The following SMNDC1 variants were observed in gnomAD, a reference collection of about 807,000 sequenced individuals.
SMNDC1 encodes survival motor neuron domain containing 1.
A neutral mutation model predicts 29.2 loss-of-function variants in SMNDC1; 5 were observed. The observed-to-expected ratio is 0.17, with a 90% CI of 0.09 to 0.36. The LOEUF (loss-of-function observed/expected upper bound fraction) is 0.36. SMNDC1 is among the 10% of genes least tolerant of loss of function. The pLI is 1.00. For synonymous variants in SMNDC1, 80 were observed against 89.9 expected (o/e 0.89, Z 0.62); for missense variants, 142 against 268.5 (o/e 0.53, Z 3.29).
At position 110,291,423 on chromosome 10, in the gene SMNDC1, A is replaced by C. The variant is rs961961942; in HGVS notation, c.*2727T>G. The C allele has an allele frequency of 3.3e-5, 5 of 152,232 alleles. No individual in the cohort carries two copies. Among genetic ancestry groups the C allele is most frequent in the African/African-American group, 1.2e-4 (5 of 41,476 alleles). The allele number at this position is 152,232 out of a possible 1,614,324, so 9.4% of individuals were successfully genotyped here. A position where few individuals can be genotyped will look rare whatever the true frequency, so the allele number is the denominator to read the frequency against. On this transcript the variant is annotated 3_prime_UTR_variant, in exon 6 of 6. Coordinates refer to ENST00000369603, the MANE Select transcript of SMNDC1 (RefSeq NM_005871.4). ...TAATTTGATAACACTTCAATAATAC[A>C]GTTATAATTGGATGCCTCAAATCAT...
chr10:110,304,536 G>A (rs921893304), intron 1 of SMNDC1: 1 of 152,094 alleles, frequency 6.6e-6, no homozygotes, highest in Non-Finnish European at 1.5e-5. Context: ...CCGGTCCCCT[G>A]CGGGCCGTGT....
At position 110,298,629 on chromosome 10, in the gene SMNDC1, T is replaced by G. The variant is rs553371858; in HGVS notation, c.263+19A>C. 2.5e-5 allele frequency: 39 copies of G among 1,572,180 alleles called. No individual in the cohort carries two copies. In the East Asian group the frequency reaches 4.5e-4, roughly 18 times the overall value. ...TTATTATTTCATGTTATAGTTAGAG[T>G]TTTTTTTTCTACACTTACTGTCCAT... On this transcript the variant is annotated intron_variant, in intron 3 of 5. Transcript: ENST00000369603.
rs1383942897 is a variant in SMNDC1, at chr10:110,297,681, G to C, written c.311C>G (p.Ala104Gly). 15 of 1,613,876 alleles carry C rather than the reference G, an allele frequency of 9.3e-6. No individual in the cohort carries two copies. Among genetic ancestry groups the C allele is most frequent in the Non-Finnish European group, 1.3e-5 (15 of 1,179,926 alleles). Residue 104 changes from alanine to glycine, a missense_variant, in exon 4 of 6, where the codon GCT becomes GGT. Transcript: ENST00000369603. ...GCCATAACCAGCAAAGGTGATTGCA[G>C]CGGTGCCATTTTCTTCATCTATCTC... ...IEEIDEENGT[A>G]AITFAGYGNA...
intron 4 of SMNDC1, 128 bp downstream of exon 4, chr10:110,297,439 T>C (rs1857580867): frequency 1.2e-6 from 1 of 811,732 alleles, no homozygotes; most frequent in Non-Finnish European, 1.9e-6. Context: ...TGACCCTTTG[T>C]TGCTAATCTT....
rs1857517006 is a variant in SMNDC1 at position 110,293,071 on chromosome 10, A to C, written c.*1079T>G. On this transcript the variant is annotated 3_prime_UTR_variant, in exon 6 of 6. Coordinates refer to ENST00000369603, the MANE Select transcript of SMNDC1 (RefSeq NM_005871.4). ...TTTTAAAAACACTTTATTTAATAAA[A>C]GTTAAACATACAAAACTGAAATAAT... 6.6e-6 allele frequency: 1 copy of C among 152,276 alleles called. No individual in the cohort carries two copies. Among genetic ancestry groups the C allele is most frequent in the South Asian group, 2.1e-4 (1 of 4,828 alleles). 9.4% of individuals were successfully genotyped at this position (152,276 alleles called of 1,614,324 possible). A position where few individuals can be genotyped will look rare whatever the true frequency, so the allele number is the denominator to read the frequency against.
intron 2 of SMNDC1, chr10:110,300,703 C>T: frequency 1.0e-6 from 1 of 985,368 alleles, no homozygotes; most frequent in Non-Finnish European, 1.2e-6. Context: ...ACTCTGCTTA[C>T]TGAAGGAAGG....
chr10:110,298,837 T>C (rs1428756827), intron 2 of SMNDC1, 47 bp from the exon 3 acceptor site: 4 of 1,471,020 alleles, frequency 2.7e-6, no homozygotes, highest in Admixed American at 1.9e-5. Context: ...ATAATTCTCA[T>C]TGTCAACTTA....
Position 110,298,774 on chromosome 10 carries a change from G to C in SMNDC1, c.137C>G (p.Thr46Ser), listed in dbSNP as rs1464998192. ...KKDLQEVIELTKDLLSTQPSE... is the reference protein window; with the variant it reads ...KKDLQEVIELSKDLLSTQPSE... ...AGGTTGAGTTGACAGAAGGTCTTTG[G>C]TTAGTTCTATAACTTCCTAAAAAAG... The change falls in exon 3 of 6, where the codon ACC (threonine) becomes AGC (serine). Residue 46 changes from threonine (T) to serine (S), a missense_variant. Transcript: ENST00000369603. 8 of 1,612,152 alleles carry C rather than the reference G, an allele frequency of 5.0e-6. No individual in the cohort carries two copies. In the Admixed American group the frequency reaches 5.0e-5, roughly 10 times the overall value.
intron 5 of SMNDC1, 145 bp from the exon 6 acceptor site, chr10:110,294,432 G>GACCACTTCTGTACCCATTTT: frequency 1.6e-6 from 1 of 636,746 alleles, no homozygotes; most frequent in Non-Finnish European, 2.5e-6. Context: ...TAAAAAATGG[G>GACCACTTCTGTACCCATTTT]TACAGAAGTG....
chr10:110,293,187 GAT>G lies in SMNDC1; in HGVS notation c.*961_*962del. 6.5e-6 allele frequency: 1 copy of G among 152,722 alleles called. No individual in the cohort carries two copies. Among genetic ancestry groups the G allele is most frequent in the African/African-American group, 2.4e-5 (1 of 41,546 alleles). 9.5% of individuals were successfully genotyped at this position (152,722 alleles called of 1,614,324 possible). A position where few individuals can be genotyped will look rare whatever the true frequency, so the allele number is the denominator to read the frequency against. Reference sequence around the variant, plus strand: ...AAACTCAACTCAGGATAACTGTGATGATGTTCACTTACACCAACAAATGCAGA... The same window carrying G: ...AAACTCAACTCAGGATAACTGTGATGGTTCACTTACACCAACAAATGCAGA... On this transcript the variant is annotated 3_prime_UTR_variant, in exon 6 of 6. Coordinates refer to ENST00000369603, the MANE Select transcript of SMNDC1 (RefSeq NM_005871.4).
In SMNDC1 at chr10:110,290,929, T is replaced by C. The variant is rs1293331629; in HGVS notation, c.*3221A>G. 6.6e-6 allele frequency: 1 copy of C among 152,180 alleles called. No individual in the cohort carries two copies. The highest frequency in any genetic ancestry group is 1.5e-5 in the Non-Finnish European group (1 of 68,028). 9.4% of individuals were successfully genotyped at this position (152,180 alleles called of 1,614,324 possible). On this transcript the variant is annotated 3_prime_UTR_variant, in exon 6 of 6. Coordinates refer to ENST00000369603, the MANE Select transcript of SMNDC1 (RefSeq NM_005871.4). ...ACACATGAGTCACACAACTACAGTT[T>C]TCCTTTATGTTAACCTGATGGTCTC...
chr10:110,303,608 T>A, intron 1 of SMNDC1, 21 bp from the exon 2 acceptor site: 2 of 1,549,966 alleles, frequency 1.3e-6, no homozygotes, highest in Non-Finnish European at 1.7e-6. Context: ...TAAAAAGGGT[T>A]AGACCATGAA....
At position 110,291,965 on chromosome 10, in the gene SMNDC1, A is replaced by T. The variant is rs1194736159; in HGVS notation, c.*2185T>A. On this transcript the variant is annotated 3_prime_UTR_variant, in exon 6 of 6. Coordinates refer to ENST00000369603, the MANE Select transcript of SMNDC1 (RefSeq NM_005871.4). The stretch of plus-strand genomic sequence containing the variant: ...ACATTTCAGTCTGTCACAGTTTCAA[A>T]GCTTCAAGTCTCCTTTCTTAATGGG... 1 of 152,222 alleles carries T rather than the reference A, an allele frequency of 6.6e-6. No homozygotes were observed. The highest frequency in any genetic ancestry group is 2.1e-4 in the South Asian group (1 of 4,828). The allele number at this position is 152,222 out of a possible 1,614,324, so 9.4% of individuals were successfully genotyped here. A position where few individuals can be genotyped will look rare whatever the true frequency, so the allele number is the denominator to read the frequency against.
chr10:110,299,109 A>G (rs1857609437), intron 2 of SMNDC1, among the ~76,000 whole-genome samples: 1 of 152,182 alleles, frequency 6.6e-6, no homozygotes, highest in African/African-American at 2.4e-5. Context: ...AGATCTCTCT[A>G]AAGATGAGAA....
In SMNDC1 at chr10:110,294,429, T is replaced by C. The variant is rs905391246; in HGVS notation, c.580-142A>G. The C allele has an allele frequency of 5.8e-6, 4 of 688,610 alleles. No homozygotes were observed. In the Admixed American group the frequency reaches 1.1e-4, roughly 18 times the overall value. 42.7% of individuals were successfully genotyped at this position (688,610 alleles called of 1,614,324 possible). A position where few individuals can be genotyped will look rare whatever the true frequency, so the allele number is the denominator to read the frequency against. On this transcript the variant is annotated intron_variant, in intron 5 of 5. Coordinates refer to ENST00000369603, the MANE Select transcript of SMNDC1 (RefSeq NM_005871.4). ...ATTGCCTTTGTTTAGTGTTAAAAAA[T>C]GGGTACAGAAGTGGTCCCATGCTGG...
intron 5 of SMNDC1, among the ~76,000 whole-genome samples, 193 bp from the exon 6 acceptor site, chr10:110,294,480 T>TG (rs1427349870): frequency 6.6e-6 from 1 of 152,214 alleles, no homozygotes; most frequent in Non-Finnish European, 1.5e-5. Flanking sequence ...ACTTCTAAGT[T>TG]GTGGAAAATA....
intron 4 of SMNDC1, 33 bp downstream of exon 4, chr10:110,297,534 T>G: frequency 6.2e-7 from 1 of 1,600,034 alleles, no homozygotes; most frequent in Non-Finnish European, 8.5e-7. Flanking sequence ...TGGGGAAGAT[T>G]GCACCTAAAA....
In SMNDC1 at chr10:110,295,218, A is replaced by T. The variant is rs1458598723; in HGVS notation, c.579+10T>A. On this transcript the variant is annotated intron_variant, in intron 5 of 5. Transcript: ENST00000369603. ...TCTCAAATTTACAAAGTGTAAAAAG[A>T]TTTACCAACCTGGCCTTTTTTGTTT... is the stretch of plus-strand genomic sequence containing the variant. The T allele has an allele frequency of 1.3e-6, 2 of 1,580,488 alleles. No individual in the cohort carries two copies. Among genetic ancestry groups the T allele is most frequent in the South Asian group, 2.4e-5 (2 of 83,382 alleles).
chr10:110,292,028 A>C lies in SMNDC1; in HGVS notation c.*2122T>G, dbSNP rs1012800945. 6.6e-6 allele frequency: 1 copy of C among 152,204 alleles called. No homozygotes were observed. Among genetic ancestry groups the C allele is most frequent in the Admixed American group, 6.5e-5 (1 of 15,282 alleles). 9.4% of individuals were successfully genotyped at this position (152,204 alleles called of 1,614,324 possible). A position where few individuals can be genotyped will look rare whatever the true frequency, so the allele number is the denominator to read the frequency against. On this transcript the variant is annotated 3_prime_UTR_variant, in exon 6 of 6. Coordinates refer to ENST00000369603, the MANE Select transcript of SMNDC1 (RefSeq NM_005871.4). Reference sequence around the variant, plus strand: ...TTAAATTTTCTAACAAAGCTTTTTAAGGTCAAGGTTTATATTTTGTTTCAG... The same window carrying C: ...TTAAATTTTCTAACAAAGCTTTTTACGGTCAAGGTTTATATTTTGTTTCAG...
Sources: gnomAD v4.1 joint callset for allele counts (sites outside exome capture counted in the v4.1 genomes callset) on GRCh38, gnomAD v4.1.1 for gene constraint, MANE v1.5 for transcripts, NCBI Gene and HGNC (gene_info 2026-07-23, HGNC 2026-07-21) for gene names.